KATNAL2: variants seen among roughly 807,000 people sequenced by gnomAD.
The protein encoded by KATNAL2 is katanin p60 ATPase-containing subunit A-like 2.
KATNAL2 carries 52 observed loss-of-function variants against 76.3 expected under a neutral mutation model. That is an observed-to-expected ratio of 0.68 (90% CI 0.55 to 0.86). The LOEUF (loss-of-function observed/expected upper bound fraction) is 0.86, where lower values mean the gene tolerates loss of function less well. KATNAL2 is among the 40% of genes least tolerant of loss of function. The pLI is 0.00. For missense variants in KATNAL2, 660 were observed against 668.9 expected (o/e 0.99, Z 0.15); for synonymous variants, 243 against 244.2 (o/e 1.00, Z 0.05).
chr18:46,927,848 C>T (rs1046187709), intron 1 of KATNAL2, among the ~76,000 whole-genome samples: 3 of 152,214 alleles, frequency 2.0e-5, no homozygotes, highest in Non-Finnish European at 4.4e-5. Context: ...TGTTCCATCA[C>T]TGATACCCTT....
intron 1 of KATNAL2, among the ~76,000 whole-genome samples, chr18:46,944,370 G>A (rs1348877803): frequency 9.9e-5 from 15 of 152,034 alleles, no homozygotes; most frequent in Non-Finnish European, 1.2e-4. Flanking sequence ...AAAAAACGCG[G>A]TATAATGAGT....
intron 16 of KATNAL2, 137 bp downstream of exon 16, chr18:47,099,542 G>A (rs2063384836): frequency 6.8e-6 from 5 of 731,830 alleles, no homozygotes; most frequent in South Asian, 4.4e-5. Flanking sequence ...AATGCAATGG[G>A]CATCTTCACG....
At chr18:46,956,501 G>A (rs1161574891) in intron 3 of KATNAL2, among the ~76,000 whole-genome samples, 1 of 152,102 alleles carries the variant, frequency 6.6e-6, no homozygotes, top group East Asian at 1.9e-4. Context: ...TTTCTGACCA[G>A]CCCCTTTACC....
At chr18:47,052,812 T>C in intron 4 of KATNAL2, 68 bp from the exon 5 acceptor site, 1 of 1,246,796 alleles carries the variant, frequency 8.0e-7, no homozygotes, top group Non-Finnish European at 1.1e-6. Flanking sequence ...TTTAGACTTG[T>C]AATGCCTGTT....
At chr18:46,920,487 G>A (rs1217693425) in intron 1 of KATNAL2, among the ~76,000 whole-genome samples, 3 of 152,150 alleles carry the variant, frequency 2.0e-5, no homozygotes, top group East Asian at 3.8e-4. Context: ...TACTCACTCT[G>A]CCTCTGTACT....
chr18:47,087,860 T>C (rs2062842315), intron 15 of KATNAL2, among the ~76,000 whole-genome samples: 1 of 152,146 alleles, frequency 6.6e-6, no homozygotes, highest in African/African-American at 2.4e-5. Context: ...CTGTTTTTTT[T>C]CCTTCATTTA....
intron 1 of KATNAL2, among the ~76,000 whole-genome samples, chr18:46,935,557 C>T (rs1198870940): frequency 1.3e-5 from 2 of 151,960 alleles, no homozygotes; most frequent in South Asian, 4.2e-4. Context: ...CAGAGTAGCT[C>T]GTACTACAGG....
At chr18:46,924,881 T>A (rs866119992) in intron 1 of KATNAL2, among the ~76,000 whole-genome samples, 1 of 152,320 alleles carries the variant, frequency 6.6e-6, no homozygotes, top group South Asian at 2.1e-4. Flanking sequence ...GATTTGGCTG[T>A]CTGTGTGTTA....
intron 1 of KATNAL2, among the ~76,000 whole-genome samples, chr18:46,944,681 G>A (rs1367074607): frequency 6.6e-6 from 1 of 152,158 alleles, no homozygotes; most frequent in Non-Finnish European, 1.5e-5. Context: ...GTTGCAGTGA[G>A]CCGAGATCAC....
chr18:47,044,159 T>C (rs2061069833), intron 3 of KATNAL2, among the ~76,000 whole-genome samples: 2 of 152,072 alleles, frequency 1.3e-5, no homozygotes, highest in Admixed American at 6.6e-5. Flanking sequence ...AAGAATTCCC[T>C]TGGGCCACAC....
chr18:46,941,530 A>G (rs942940774), intron 1 of KATNAL2, among the ~76,000 whole-genome samples: 5 of 152,164 alleles, frequency 3.3e-5, no homozygotes, highest in African/African-American at 7.2e-5. Context: ...AAATAAAAAT[A>G]AAAATAAAGT....
chr18:47,059,903 C>A (rs1284451124), intron 8 of KATNAL2, among the ~76,000 whole-genome samples: 1 of 151,964 alleles, frequency 6.6e-6, no homozygotes, highest in African/African-American at 2.4e-5. Context: ...AATTGAGGGG[C>A]TTGGAAGAGA....
At chr18:47,076,178 T>G (rs1360068020) in intron 14 of KATNAL2, 5 of 152,184 alleles carry the variant, frequency 3.3e-5, no homozygotes, top group Non-Finnish European at 7.3e-5. Context: ...TAAAACACAA[T>G]TAATTAGCTT....
intron 14 of KATNAL2, among the ~76,000 whole-genome samples, chr18:47,075,654 GCTGCCATATCGGTT>G (rs986369073): frequency 1.3e-5 from 2 of 152,160 alleles, no homozygotes; most frequent in Non-Finnish European, 2.9e-5. Flanking sequence ...AGGATCCCAG[GCTGCCATATCGGTT>G]CTGCTGGCTG....
intron 1 of KATNAL2, among the ~76,000 whole-genome samples, chr18:46,941,656 G>A (rs2059249992): frequency 6.6e-6 from 1 of 152,046 alleles, no homozygotes; most frequent in Non-Finnish European, 1.5e-5. Flanking sequence ...GGGACTATAG[G>A]TGTGTAAATA....
intron 3 of KATNAL2, among the ~76,000 whole-genome samples, chr18:47,041,188 T>A (rs192147854): frequency 3.3e-5 from 5 of 152,326 alleles, no homozygotes; most frequent in African/African-American, 1.2e-4. Flanking sequence ...GTTAAATCGA[T>A]GAACCTACAC....
chr18:47,097,083 C>T (rs2063276685), intron 15 of KATNAL2, among the ~76,000 whole-genome samples: 1 of 145,326 alleles, frequency 6.9e-6, no homozygotes, highest in African/African-American at 2.6e-5. Context: ...GGCACCACTG[C>T]ACTCCAGCCT....
intron 1 of KATNAL2, among the ~76,000 whole-genome samples, chr18:46,943,973 A>G (rs1363796654): frequency 6.6e-6 from 1 of 152,184 alleles, no homozygotes; most frequent in Non-Finnish European, 1.5e-5. Flanking sequence ...TCCCTCTTGT[A>G]TCTCAGTTCT....
At chr18:47,066,888 T>TATACACACACAC (rs1555864211) in intron 10 of KATNAL2, 133 bp from the exon 11 acceptor site, 2 of 75,816 alleles carry the variant, frequency 2.6e-5, no homozygotes, top group African/African-American at 8.8e-5. Flanking sequence ...TATATATATA[T>TATACACACACAC]ATATAATATG....
Sources: allele counts gnomAD v4.1 joint callset (sites outside exome capture counted in the v4.1 genomes callset), GRCh38; gene constraint gnomAD v4.1.1; transcripts MANE v1.5; gene names NCBI Gene and HGNC (gene_info 2026-07-23, HGNC 2026-07-21).